FANCI: variants seen among roughly 807,000 people sequenced by gnomAD.
FANCI encodes Fanconi anemia group I protein.
FANCI carries 156 observed loss-of-function variants against 176.1 expected under a neutral mutation model. That is an observed-to-expected ratio of 0.89 (90% CI 0.78 to 1.01). The LOEUF (loss-of-function observed/expected upper bound fraction) is 1.01. Among genes scored for constraint, FANCI ranks in the 50% least tolerant of loss-of-function variants. The probability of loss-of-function intolerance (pLI) is 0.00; values close to 1 mark genes in which losing one functional copy is unlikely to be tolerated. For synonymous variants in FANCI, 613 were observed against 541.7 expected, an observed-to-expected ratio of 1.13 and a Z score of -1.83; for missense variants, 1,678 against 1,534.1, an observed-to-expected ratio of 1.09 and a Z score of -1.57.
chr15:89,286,314 A>T (rs1567160810), intron 18 of FANCI, among the ~76,000 whole-genome samples: 1 of 152,188 alleles, frequency 6.6e-6, no homozygotes, highest in Non-Finnish European at 1.5e-5. Context: ...TTATAAAAGC[A>T]ACTTCTTTTT....
At chr15:89,303,810 A>G (rs2054611480) in intron 27 of FANCI, 54 bp from the exon 28 acceptor site, 6 of 1,498,556 alleles carry the variant, frequency 4.0e-6, no homozygotes, top group Non-Finnish European at 3.7e-6. Context: ...TTCTGACAAC[A>G]CCTAGGTCTA....
At chr15:89,246,304 G>T (rs189134594) in intron 1 of FANCI, among the ~76,000 whole-genome samples, 6 of 152,160 alleles carry the variant, frequency 3.9e-5, no homozygotes, top group East Asian at 3.9e-4. Context: ...CTTCCAAATG[G>T]TCTCTTAGCA....
At chr15:89,301,922 C>A (rs1454706189) in intron 27 of FANCI, among the ~76,000 whole-genome samples, 1 of 152,108 alleles carries the variant, frequency 6.6e-6, no homozygotes, top group Non-Finnish European at 1.5e-5. Flanking sequence ...AACTATAGTC[C>A]CAAAGCAGAA....
At position 89,268,649 on chromosome 15, in the gene FANCI, C is replaced by T. The variant is rs891442684; in HGVS notation, c.882+124C>T. 39 of 1,148,316 alleles carry T rather than the reference C, an allele frequency of 3.4e-5. No homozygotes were observed. In the Admixed American group the frequency reaches 8.3e-4, roughly 24 times the overall value. The allele number at this position is 1,148,316 out of a possible 1,614,324, so 71.1% of individuals were successfully genotyped here. On this transcript the variant is annotated intron_variant, in intron 10 of 37. Transcript: ENST00000310775. Reference sequence around the variant, plus strand: ...TAAAATGACCCTGGGTGTGGAGGATCTCTTTTTTTTTTTTTACTTTAAAAG... The same window carrying T: ...TAAAATGACCCTGGGTGTGGAGGATTTCTTTTTTTTTTTTTACTTTAAAAG...
At chr15:89,266,388 G>T (rs1244861097) in intron 9 of FANCI, among the ~76,000 whole-genome samples, 1 of 148,708 alleles carries the variant, frequency 6.7e-6, no homozygotes, top group African/African-American at 2.5e-5. Context: ...GAGTACATTG[G>T]CATGATGTCA....
At chr15:89,259,781 A>T (rs1481424208) in intron 3 of FANCI, among the ~76,000 whole-genome samples, 11 of 152,228 alleles carry the variant, frequency 7.2e-5, no homozygotes, top group Admixed American at 6.5e-4. Context: ...TCTTTCGTTT[A>T]TAATGTTACA....
At chr15:89,244,333 C>G (rs1221682594) in intron 1 of FANCI, 1 of 152,284 alleles carries the variant, frequency 6.6e-6, no homozygotes, top group Non-Finnish European at 1.5e-5. Flanking sequence ...CATTTGTTGT[C>G]CGGTCGCGGT....
chr15:89,250,027 A>G (rs1242478532), intron 2 of FANCI, among the ~76,000 whole-genome samples: 1 of 152,248 alleles, frequency 6.6e-6, no homozygotes, highest in Non-Finnish European at 1.5e-5. Flanking sequence ...CTGTGATCAC[A>G]ATGCAATAAA....
Position 89,260,729 on chromosome 15 carries a change from G to A in FANCI, c.174G>A (p.Glu58=). 1.9e-6 allele frequency: 3 copies of A among 1,613,884 alleles called. No homozygotes were observed. Among genetic ancestry groups the A allele is most frequent in the South Asian group, 1.1e-5 (1 of 91,062 alleles). ...AACAATAAGGTTCCCCCTGCTCTGA[G>A]GAAGCTGGAACACTTAGGAGACGTA... ...RAIFKGSPCS[E]EAGTLRRRKI... Residue 58 remains glutamate (E), a synonymous_variant, in exon 4 of 38, where the codon GAG becomes GAA. Transcript: ENST00000310775.
rs878854176 is a variant in FANCI, at chr15:89,292,759, A to AGAGGAGGAAGAG, written c.2078_2089dup (p.Glu693_Glu696dup). 1.9e-6 allele frequency: 3 copies of AGAGGAGGAAGAG among 1,613,812 alleles called. No homozygotes were observed. The highest frequency in any genetic ancestry group is 2.5e-6 in the Non-Finnish European group (3 of 1,179,962). ...ATACAGTCATACCCTTACAGCAGGG[A>AGAGGAGGAAGAG]GAGGAGGAAGAGGAGGAGGAAGAGG... is the stretch of plus-strand genomic sequence containing the variant. On this transcript the variant is annotated inframe_insertion, in exon 21 of 38. Coordinates refer to ENST00000310775, the MANE Select transcript of FANCI (RefSeq NM_001113378.2).
chr15:89,301,169 C>T (rs1244459879), intron 26 of FANCI, among the ~76,000 whole-genome samples, 157 bp from the exon 27 acceptor site: 3 of 152,222 alleles, frequency 2.0e-5, no homozygotes, highest in Admixed American at 2.0e-4. Flanking sequence ...GAAACTACTG[C>T]TCAATTCAGG....
intron 12 of FANCI, among the ~76,000 whole-genome samples, chr15:89,274,529 A>G (rs1363488329): frequency 3.3e-5 from 5 of 151,818 alleles, no homozygotes; most frequent in African/African-American, 1.2e-4. Flanking sequence ...CAGCAAGCAT[A>G]CAAAACTGAA....
At chr15:89,273,897 G>A (rs1409636091) in intron 11 of FANCI, among the ~76,000 whole-genome samples, 1 of 152,040 alleles carries the variant, frequency 6.6e-6, no homozygotes, top group East Asian at 1.9e-4. Context: ...TTGACTTTTA[G>A]CCTTTTTTCC....
At chr15:89,269,446 A>G (rs1188493753) in intron 10 of FANCI, among the ~76,000 whole-genome samples, 1 of 150,940 alleles carries the variant, frequency 6.6e-6, no homozygotes, top group African/African-American at 2.4e-5. Flanking sequence ...GGCTTCATGC[A>G]TTGCATTTGG....
chr15:89,311,275 C>T (rs1262820816), intron 34 of FANCI, among the ~76,000 whole-genome samples: 2 of 150,342 alleles, frequency 1.3e-5, no homozygotes, highest in East Asian at 1.9e-4. Flanking sequence ...AAAAATTAGC[C>T]GGGCATGGTA....
At chr15:89,291,125 A>C (rs1248692593) in intron 19 of FANCI, among the ~76,000 whole-genome samples, 1 of 152,220 alleles carries the variant, frequency 6.6e-6, no homozygotes, top group African/African-American at 2.4e-5. Context: ...GAAAAATAAT[A>C]ACTCATATTT....
At chr15:89,269,135 T>C (rs1202496150) in intron 10 of FANCI, among the ~76,000 whole-genome samples, 1 of 152,240 alleles carries the variant, frequency 6.6e-6, no homozygotes, top group East Asian at 1.9e-4. Flanking sequence ...TCCCTTCACC[T>C]AGATTGACCA....
intron 23 of FANCI, among the ~76,000 whole-genome samples, chr15:89,294,261 T>G (rs1379779996): frequency 6.6e-6 from 1 of 152,106 alleles, no homozygotes; most frequent in Admixed American, 6.6e-5. Context: ...AAAATCTATG[T>G]AAGTAGCTTG....
At chr15:89,285,047 G>A (rs1246620450) in intron 17 of FANCI, 49 bp from the exon 18 acceptor site, 11 of 1,612,590 alleles carry the variant, frequency 6.8e-6, no homozygotes, top group Non-Finnish European at 6.8e-6. Flanking sequence ...GCTCCTTATT[G>A]GAAACAGCTT....
Sources: allele counts gnomAD v4.1 joint callset (sites outside exome capture counted in the v4.1 genomes callset), GRCh38; gene constraint gnomAD v4.1.1; transcripts MANE v1.5; gene names NCBI Gene and HGNC (gene_info 2026-07-23, HGNC 2026-07-21).